DPM1: variants seen among roughly 807,000 people sequenced by gnomAD.
DPM1 encodes the protein dolichol-phosphate mannosyltransferase subunit 1.
In DPM1, 27 loss-of-function variants were observed where a neutral mutation model predicts 39.0. The ratio of observed to expected loss-of-function variants is 0.69; its 90% CI spans 0.51 to 0.95. DPM1 has a LOEUF of 0.95. Ranked by LOEUF, DPM1 falls within the 40% of genes least tolerant of loss-of-function variation. The pLI is 0.00. For synonymous variants in DPM1, 124 were observed against 109.0 expected, an observed-to-expected ratio of 1.14 and a Z score of -0.86; for missense variants, 307 against 315.6, an observed-to-expected ratio of 0.97 and a Z score of 0.21.
At position 50,944,311 on chromosome 20, in the gene DPM1, T is replaced by C. The variant is rs182833893; in HGVS notation, c.398+1426A>G. The C allele has an allele frequency of 8.5e-5, 13 of 152,378 alleles. No individual in the cohort carries two copies. In the East Asian group the frequency reaches 2.3e-3, roughly 27 times the overall value. 9.4% of individuals were successfully genotyped at this position (152,378 alleles called of 1,614,324 possible). ...TTTTATTAGCCATTTGGATTTCTTC[T>C]ATAGATGGTCTGTTTGTATCTTTTT... On this transcript the variant is annotated intron_variant, in intron 5 of 8. Transcript: ENST00000371588.
chr20:50,940,774 A>G, intron 7 of DPM1, 91 bp downstream of exon 7: 1 of 1,100,368 alleles, frequency 9.1e-7, no homozygotes, highest in Non-Finnish European at 1.4e-6. Context: ...AATAAAAACA[A>G]GGTAGAAATG....
intron 8 of DPM1, among the ~76,000 whole-genome samples, chr20:50,935,939 TAA>T (rs1165048200): frequency 6.6e-6 from 1 of 152,226 alleles, no homozygotes; most frequent in East Asian, 1.9e-4. Context: ...TTTAATTATT[TAA>T]AAGAGAATGC....
intron 6 of DPM1, 32 bp downstream of exon 6, chr20:50,941,999 A>G (rs745502056): frequency 6.5e-7 from 1 of 1,532,062 alleles, no homozygotes; most frequent in East Asian, 2.2e-5. Context: ...CAGTAGTTAT[A>G]CTAATAAAGA....
chr20:50,947,987 G>T (rs144242718), intron 3 of DPM1, among the ~76,000 whole-genome samples: 167 of 152,282 alleles, frequency 1.1e-3, no homozygotes, highest in African/African-American at 3.8e-3. Flanking sequence ...TTTGCAGCAT[G>T]CTGGTCCAAG....
At chr20:50,957,820 C>G (rs1042954534) in intron 1 of DPM1, among the ~76,000 whole-genome samples, 3 of 152,138 alleles carry the variant, frequency 2.0e-5, no homozygotes, top group Non-Finnish European at 4.4e-5. Context: ...CTCCACCCAC[C>G]CCCCATCCCG....
intron 2 of DPM1, among the ~76,000 whole-genome samples, chr20:50,954,172 CT>C (rs34921841): frequency 6.6e-6 from 1 of 151,714 alleles, no homozygotes; most frequent in East Asian, 1.9e-4. Context: ...GACTGAGTGG[CT>C]TTTTTTTAAA....
At chr20:50,957,392 G>C (rs1454272066) in intron 1 of DPM1, among the ~76,000 whole-genome samples, 1 of 152,144 alleles carries the variant, frequency 6.6e-6, no homozygotes, top group Non-Finnish European at 1.5e-5. Flanking sequence ...ATCCTACCTC[G>C]AAGAATTTAT....
chr20:50,944,256 C>T (rs562631788), intron 5 of DPM1: 86 of 152,256 alleles, frequency 5.6e-4, no homozygotes, highest in African/African-American at 2.0e-3. Flanking sequence ...GTGTTTATTT[C>T]CTTGACTACA....
intron 6 of DPM1, chr20:50,941,302 A>G (rs1224557320): frequency 6.5e-6 from 1 of 152,888 alleles, no homozygotes; most frequent in East Asian, 1.5e-4. Context: ...ACACATTCAT[A>G]TAATATGTAT....
chr20:50,955,622 T>A, intron 1 of DPM1, among the ~76,000 whole-genome samples: 1 of 152,234 alleles, frequency 6.6e-6, no homozygotes, highest in African/African-American at 2.4e-5. Flanking sequence ...CAGGCTGGAA[T>A]GCAGTGGCGC....
intron 3 of DPM1, 29 bp downstream of exon 3, chr20:50,948,600 T>A: frequency 6.2e-7 from 1 of 1,609,932 alleles, no homozygotes; most frequent in Non-Finnish European, 8.5e-7. Context: ...AAGCAGCAGG[T>A]GTGAGGGGTT....
intron 5 of DPM1, 83 bp from the exon 6 acceptor site, chr20:50,942,209 T>C: frequency 7.9e-7 from 1 of 1,271,256 alleles, no homozygotes; most frequent in Non-Finnish European, 1.1e-6. Flanking sequence ...ACAAAACTTT[T>C]AAGAGAAGTC....
chr20:50,942,279 G>A (rs993514250), intron 5 of DPM1, among the ~76,000 whole-genome samples, 153 bp from the exon 6 acceptor site: 1 of 151,936 alleles, frequency 6.6e-6, no homozygotes, highest in Non-Finnish European at 1.5e-5. Context: ...AGGCCGAGGC[G>A]GGTGGATCAC....
At chr20:50,939,685 C>T (rs1275675895) in intron 7 of DPM1, among the ~76,000 whole-genome samples, 1 of 152,134 alleles carries the variant, frequency 6.6e-6, no homozygotes, top group Non-Finnish European at 1.5e-5. Flanking sequence ...GCAATCTCGG[C>T]TCACTGCAAC....
At chr20:50,946,815 T>C (rs1986314485) in intron 3 of DPM1, among the ~76,000 whole-genome samples, 2 of 152,220 alleles carry the variant, frequency 1.3e-5, no homozygotes, top group Admixed American at 6.5e-5. Context: ...CTCATGCCTG[T>C]AATCCCAGCA....
At chr20:50,955,896 T>C (rs1986800943) in intron 1 of DPM1, among the ~76,000 whole-genome samples, 1 of 152,206 alleles carries the variant, frequency 6.6e-6, no homozygotes, top group Non-Finnish European at 1.5e-5. Flanking sequence ...GGAAATAATA[T>C]TCTGAACCTT....
At position 50,936,206 on chromosome 20, in the gene DPM1, T is replaced by G; in HGVS notation, c.620A>C (p.Tyr207Ser). ...KLIEKCVSKG[Y>S]VFQMEMIVRA... ...AACAATCATCTCCATCTGGAAGACG[T>G]AGCCTTTAGAAACACATTTTTCTAT... Residue 207 changes from tyrosine (Y) to serine (S), a missense_variant, in exon 8 of 9, where the codon TAC becomes TCC. Physicochemically the swap from Tyr to Ser is moderately radical, Grantham distance 144. Coordinates refer to ENST00000371588, the MANE Select transcript of DPM1 (RefSeq NM_003859.3). 6.2e-7 allele frequency: 1 copy of G among 1,613,772 alleles called. No homozygotes were observed. Among genetic ancestry groups the G allele is most frequent in the Non-Finnish European group, 8.5e-7 (1 of 1,179,826 alleles).
At chr20:50,956,271 G>A (rs1357066212) in intron 1 of DPM1, among the ~76,000 whole-genome samples, 2 of 152,068 alleles carry the variant, frequency 1.3e-5, no homozygotes, top group Non-Finnish European at 2.9e-5. Flanking sequence ...TAATACCTAC[G>A]ACATAACATT....
chr20:50,955,755 G>C (rs550943161), intron 1 of DPM1, among the ~76,000 whole-genome samples: 56 of 152,058 alleles, frequency 3.7e-4, no homozygotes, highest in Non-Finnish European at 5.9e-4. Context: ...AGTAGAGACG[G>C]GGTTTCACCG....
Sources: gnomAD v4.1 joint callset for allele counts (sites outside exome capture counted in the v4.1 genomes callset) on GRCh38, gnomAD v4.1.1 for gene constraint, MANE v1.5 for transcripts, NCBI Gene and HGNC (gene_info 2026-07-23, HGNC 2026-07-21) for gene names.